The following ACAD10 variants were observed in gnomAD, a reference collection of about 807,000 sequenced individuals.
ACAD10 encodes acyl-CoA dehydrogenase family member 10.
Under a neutral mutation model 116.8 loss-of-function variants are expected in ACAD10, and 112 were observed. The ratio of observed to expected loss-of-function variants is 0.96; its 90% confidence interval spans 0.82 to 1.12. ACAD10 has a LOEUF of 1.12. Ranked by LOEUF, ACAD10 falls within the 50% of genes most tolerant of loss-of-function variation. ACAD10 has a pLI of 0.00. For missense variants in ACAD10, 1,259 were observed against 1,350.2 expected (o/e 0.93, Z 1.06); for synonymous variants, 486 against 510.6 (o/e 0.95, Z 0.65).
intron 7 of ACAD10, among the ~76,000 whole-genome samples, chr12:111,717,439 G>T (rs1263614546): frequency 6.6e-6 from 1 of 151,974 alleles, no homozygotes; most frequent in East Asian, 1.9e-4. Context: ...CAGTCTGTGA[G>T]ATTTCATAGC....
In ACAD10 at chr12:111,749,268, C is replaced by G; in HGVS notation, c.2740C>G (p.Leu914Val). ...GRGFEIAQGRLGPGRIHHCMR... is the reference protein window; with the variant it reads ...GRGFEIAQGRVGPGRIHHCMR... ...AGGCTTTGAGATCGCCCAGGGCAGA[C>G]TGGGCCCCGGCAGGATCCATCACTG... The change falls in exon 18 of 21, where the codon CTG (leucine) becomes GTG (valine). Residue 914 changes from leucine to valine, a missense_variant. Transcript: ENST00000313698. 6.2e-7 allele frequency: 1 copy of G among 1,614,144 alleles called. No individual in the cohort carries two copies. Among genetic ancestry groups the G allele is most frequent in the Non-Finnish European group, 8.5e-7 (1 of 1,180,038 alleles).
At chr12:111,738,577 TGAG>T (rs1889641767) in intron 12 of ACAD10, among the ~76,000 whole-genome samples, 1 of 150,584 alleles carries the variant, frequency 6.6e-6, no homozygotes, top group Admixed American at 6.6e-5. Flanking sequence ...TTTAAATCCA[TGAG>T]TAGTAGCCGG....
At chr12:111,710,747 G>A (rs1229930976) in intron 5 of ACAD10, among the ~76,000 whole-genome samples, 9 of 151,942 alleles carry the variant, frequency 5.9e-5, no homozygotes, top group Admixed American at 5.2e-4. Flanking sequence ...TGCCCGCCTC[G>A]CCTCCCAAAG....
chr12:111,756,337 T>C lies in ACAD10; in HGVS notation c.3044T>C (p.Phe1015Ser). 6.2e-7 allele frequency: 1 copy of C among 1,600,076 alleles called. No individual in the cohort carries two copies. The highest frequency in any genetic ancestry group is 8.5e-7 in the Non-Finnish European group (1 of 1,175,106). Residue 1015 changes from phenylalanine to serine, a missense_variant, in exon 21 of 21, where the codon TTT (phenylalanine) becomes TCT (serine). Phe to Ser is a radical substitution (Grantham distance 155). Transcript: ENST00000313698. ...SRVIDRAIQA[F>S]GAAGLSSDYP... ...CCTCCACTCTGTGTCTGCCAGGCCT[T>C]TGGAGCAGCAGGCCTGAGCAGCGAC... is the stretch of plus-strand genomic sequence containing the variant.
intron 7 of ACAD10, among the ~76,000 whole-genome samples, chr12:111,718,870 C>T (rs983309950): frequency 6.6e-6 from 1 of 151,902 alleles, no homozygotes; most frequent in East Asian, 2.0e-4. Context: ...TTTGGGAGGC[C>T]GAGCCAGGTG....
At position 111,702,325 on chromosome 12, in the gene ACAD10, T is replaced by C. The variant is rs774107903; in HGVS notation, c.336+15T>C. The C allele has an allele frequency of 3.1e-6, 5 of 1,608,860 alleles. No individual in the cohort carries two copies. Among genetic ancestry groups the C allele is most frequent in the East Asian group, 4.5e-5 (2 of 44,840 alleles). ...GCTCTGAAATGGTGAGTGGTAAACA[T>C]ACCTACATTTCCATATTTTTCTTTT... On this transcript the variant is annotated intron_variant, in intron 3 of 20. Transcript: ENST00000313698.
chr12:111,729,812 A>G lies in ACAD10; in HGVS notation c.1250A>G (p.Tyr417Cys), dbSNP rs748687718. 44 of 1,613,652 alleles carry G rather than the reference A, an allele frequency of 2.7e-5. No individual in the cohort carries two copies. Among genetic ancestry groups the G allele is most frequent in the South Asian group, 1.1e-4 (10 of 91,070 alleles). The change falls in exon 10 of 21, where the codon TAT (tyrosine) becomes TGT (cysteine). Residue 417 changes from tyrosine (Y) to cysteine (C), a missense_variant. By Grantham distance (194) the Tyr-to-Cys change is radical. Coordinates refer to ENST00000313698, the MANE Select transcript of ACAD10 (RefSeq NM_025247.6). ...GLEDYGKQGDYIPRQVRTWVK... is the reference protein window; with the variant it reads ...GLEDYGKQGDCIPRQVRTWVK... Reference sequence around the variant, plus strand: ...CTAATCCTATTTCCCGCAGGGGACTATATTCCACGCCAGGTACGAACCTGG... The same window carrying G: ...CTAATCCTATTTCCCGCAGGGGACTGTATTCCACGCCAGGTACGAACCTGG...
At chr12:111,745,195 C>T in intron 13 of ACAD10, 152 bp downstream of exon 13, 1 of 862,780 alleles carries the variant, frequency 1.2e-6, no homozygotes, top group East Asian at 2.7e-5. Context: ...AGAGCCAGCT[C>T]TTCATGACTC....
chr12:111,738,520 G>A lies in ACAD10; in HGVS notation c.1714+1516G>A, dbSNP rs140597728. 7.8e-3 allele frequency among the ~76,000 whole-genome samples: 1,176 copies of A among 151,484 alleles called. 14 individuals are homozygous for A. The highest frequency in any genetic ancestry group is 0.027 in the African/African-American group (1,129 of 41,218). ...ACTTGCTAACAATAGGAAACTTTGG[G>A]CATCACCAAGGATGATAGCTGAAAT... On this transcript the variant is annotated intron_variant, in intron 12 of 20. Coordinates refer to ENST00000313698, the MANE Select transcript of ACAD10 (RefSeq NM_025247.6).
intron 16 of ACAD10, among the ~76,000 whole-genome samples, chr12:111,747,977 G>A (rs1276338568): frequency 2.0e-5 from 3 of 152,262 alleles, no homozygotes; most frequent in African/African-American, 2.4e-5. Flanking sequence ...TCCAAGGCCC[G>A]GGCCCAGAGC....
At chr12:111,687,984 G>C (rs1887925743) in intron 1 of ACAD10, 1 of 151,852 alleles carries the variant, frequency 6.6e-6, no homozygotes, top group Non-Finnish European at 1.5e-5. Flanking sequence ...TCCTGCCTCA[G>C]TCTCCCAAGT....
At chr12:111,691,564 A>T (rs1251661039) in intron 1 of ACAD10, among the ~76,000 whole-genome samples, 2 of 152,062 alleles carry the variant, frequency 1.3e-5, no homozygotes, top group East Asian at 1.9e-4. Flanking sequence ...TGAGATGAAA[A>T]AATGGGGAGC....
At chr12:111,705,162 CT>C (rs1888461811) in intron 3 of ACAD10, among the ~76,000 whole-genome samples, 1 of 151,860 alleles carries the variant, frequency 6.6e-6, no homozygotes, top group Admixed American at 6.6e-5. Context: ...ACTGTATCCT[CT>C]TATGATATGC....
chr12:111,698,500 A>G (rs1888254756), intron 2 of ACAD10, among the ~76,000 whole-genome samples: 1 of 147,522 alleles, frequency 6.8e-6, no homozygotes, highest in Non-Finnish European at 1.5e-5. Context: ...TTTTTGAGAC[A>G]GACTTTTGCT....
At chr12:111,695,282 A>T (rs530441366) in intron 2 of ACAD10, among the ~76,000 whole-genome samples, 8 of 152,252 alleles carry the variant, frequency 5.3e-5, no homozygotes, top group African/African-American at 1.7e-4. Context: ...AATCCTACTG[A>T]TGCTTTTAAT....
At chr12:111,755,329 C>G (rs7966142) in intron 19 of ACAD10, among the ~76,000 whole-genome samples, 2,377 of 152,264 alleles carry the variant, frequency 0.016, 72 homozygotes, top group African/African-American at 0.054. Context: ...TGGTCTCAAA[C>G]TCCTGACCTC....
intron 12 of ACAD10, among the ~76,000 whole-genome samples, chr12:111,742,397 C>T (rs1889770591): frequency 6.6e-6 from 1 of 152,214 alleles, no homozygotes; most frequent in South Asian, 2.1e-4. Flanking sequence ...TGGTTTCTGA[C>T]TGACTTCCCT....
In ACAD10 at chr12:111,755,723, G is replaced by T. The variant is rs747732996; in HGVS notation, c.3017G>T (p.Arg1006Leu). The T allele has an allele frequency of 6.2e-7, 1 of 1,613,712 alleles. No individual in the cohort carries two copies. Among genetic ancestry groups the T allele is most frequent in the Admixed American group, 1.7e-5 (1 of 59,940 alleles). The change falls in exon 20 of 21, where the codon CGA becomes CTA. Residue 1006 changes from arginine (R) to leucine (L), a missense_variant. Arg to Leu is a moderately radical substitution (Grantham distance 102). Coordinates refer to ENST00000313698, the MANE Select transcript of ACAD10 (RefSeq NM_025247.6). ...IKMVAPSMAS[R>L]VIDRAIQAFG... is the part of the protein sequence containing the mutation. ...ATGGTCGCCCCGTCCATGGCCTCCC[G>T]AGTGATTGATCGTGCGATTCAGGTG...
intron 6 of ACAD10, 90 bp from the exon 7 acceptor site, chr12:111,715,731 C>A: frequency 6.4e-7 from 1 of 1,561,592 alleles, no homozygotes; most frequent in Non-Finnish European, 8.7e-7. Context: ...ATTTTGAAGC[C>A]CAAATGCAGA....
Sources: allele counts gnomAD v4.1 joint callset (sites outside exome capture counted in the v4.1 genomes callset), GRCh38; gene constraint gnomAD v4.1.1; transcripts MANE v1.5; gene names NCBI Gene and HGNC (gene_info 2026-07-23, HGNC 2026-07-21).